The following CCDC3 variants were observed in gnomAD, a reference collection of about 807,000 sequenced individuals.
CCDC3 encodes the protein coiled-coil domain containing 3, also known as coiled-coil domain-containing protein 3.
Under a neutral mutation model 21.4 loss-of-function variants are expected in CCDC3, and 24 were observed. The observed-to-expected ratio is 1.12, with a 90% CI of 0.81 to 1.58. The LOEUF is 1.58. Ranked by LOEUF, CCDC3 falls within the 40% of genes most tolerant of loss-of-function variation. CCDC3 has a pLI of 0.00. For missense variants in CCDC3, 425 were observed against 360.9 expected (o/e 1.18, Z -1.44); for synonymous variants, 186 against 166.0 (o/e 1.12, Z -0.93).
chr10:12,997,552 G>A (rs1835781407), intron 2 of CCDC3, among the ~76,000 whole-genome samples: 1 of 152,080 alleles, frequency 6.6e-6, no homozygotes, highest in Admixed American at 6.5e-5. Context: ...AACCACCTTG[G>A]CCATCCTGCA....
At chr10:13,000,623 C>A (rs1835832471) in intron 1 of CCDC3, among the ~76,000 whole-genome samples, 1 of 152,174 alleles carries the variant, frequency 6.6e-6, no homozygotes, top group South Asian at 2.1e-4. Context: ...CCATTCACAT[C>A]TTGGCATTTG....
intron 5 of CCDC3, among the ~76,000 whole-genome samples, chr10:13,023,590 C>T (rs1276530179): frequency 6.6e-6 from 1 of 152,130 alleles, no homozygotes; most frequent in Non-Finnish European, 1.5e-5. Flanking sequence ...AGTCACGTGG[C>T]CAAGCTGAGA....
intron 4 of CCDC3, among the ~76,000 whole-genome samples, chr10:13,051,217 C>T (rs575568924): frequency 2.1e-4 from 31 of 151,182 alleles, no homozygotes; most frequent in Non-Finnish European, 3.0e-4. Flanking sequence ...TTATTTTGGT[C>T]ACAGCCTGCA....
intron 2 of CCDC3, among the ~76,000 whole-genome samples, chr10:12,970,868 C>T (rs1050589522): frequency 1.4e-5 from 2 of 145,410 alleles, no homozygotes; most frequent in Non-Finnish European, 3.0e-5. Context: ...CTAGCCTGGG[C>T]GACAGAGCAA....
At chr10:13,034,042 C>A (rs966764370) in intron 5 of CCDC3, among the ~76,000 whole-genome samples, 4 of 152,020 alleles carry the variant, frequency 2.6e-5, no homozygotes, top group Non-Finnish European at 5.9e-5. Context: ...CACATGCACA[C>A]GTATGTTTAT....
chr10:13,011,654 C>G (rs1321385601), intron 5 of CCDC3, among the ~76,000 whole-genome samples: 1 of 152,084 alleles, frequency 6.6e-6, no homozygotes, highest in Non-Finnish European at 1.5e-5. Context: ...TAGTGCTATT[C>G]CTATCAAACT....
chr10:12,998,264 T>C, intron 2 of CCDC3, 74 bp downstream of exon 2: 1 of 1,515,168 alleles, frequency 6.6e-7, no homozygotes, highest in Admixed American at 1.9e-5. Flanking sequence ...TCTTGATTCC[T>C]TTGGTCACAA....
At chr10:12,900,285 G>A (rs774106730) in intron 2 of CCDC3, among the ~76,000 whole-genome samples, 2 of 152,020 alleles carry the variant, frequency 1.3e-5, no homozygotes, top group African/African-American at 2.4e-5. Context: ...ATAAAAAGAG[G>A]TATTCTCCAA....
At chr10:12,948,604 T>C (rs1278299822) in intron 2 of CCDC3, among the ~76,000 whole-genome samples, 3 of 152,138 alleles carry the variant, frequency 2.0e-5, no homozygotes, top group Non-Finnish European at 2.9e-5. Context: ...TGAGAGTCAT[T>C]GTCAAATAGA....
intron 2 of CCDC3, among the ~76,000 whole-genome samples, chr10:12,937,130 C>A (rs893908228): frequency 6.6e-6 from 1 of 150,708 alleles, no homozygotes; most frequent in Non-Finnish European, 1.5e-5. Flanking sequence ...TACCCTCAGA[C>A]TCATTCACTC....
intron 2 of CCDC3, 60 bp from the exon 3 acceptor site, chr10:12,898,739 A>G (rs1834049478): frequency 7.0e-6 from 11 of 1,573,044 alleles, no homozygotes; most frequent in Non-Finnish European, 9.5e-6. Flanking sequence ...CGCTGCGGCC[A>G]GGGGAGTCCC....
chr10:12,997,598 G>T (rs984487555), intron 2 of CCDC3, among the ~76,000 whole-genome samples: 19 of 152,176 alleles, frequency 1.2e-4, no homozygotes, highest in African/African-American at 4.6e-4. Flanking sequence ...AAGAATCACA[G>T]AAGTGGTAGC....
At chr10:12,951,203 C>A (rs1358757621) in intron 2 of CCDC3, among the ~76,000 whole-genome samples, 2 of 152,004 alleles carry the variant, frequency 1.3e-5, no homozygotes, top group Non-Finnish European at 2.9e-5. Context: ...AGACTCTCAT[C>A]TCTACAAAAA....
At chr10:13,002,740 ATACTC>A (rs1447630481), upstream of CCDC3, among the ~76,000 whole-genome samples, 2 of 152,228 alleles carry the variant, frequency 1.3e-5, no homozygotes, top group Non-Finnish European at 2.9e-5. Flanking sequence ...CCATAATAAA[ATACTC>A]TAGTCTGGTG....
chr10:12,938,571 TACTC>T (rs1466293707), intron 2 of CCDC3, among the ~76,000 whole-genome samples: 16 of 152,218 alleles, frequency 1.1e-4, no homozygotes, highest in Admixed American at 8.5e-4. Context: ...ATAGACAAGT[TACTC>T]AATCATTCCA....
chr10:13,042,843 A>G (rs1836477696), intron 5 of CCDC3, among the ~76,000 whole-genome samples: 1 of 139,868 alleles, frequency 7.1e-6, no homozygotes, highest in South Asian at 2.4e-4. Flanking sequence ...TGGGAGGTGG[A>G]GCTTGCAGTG....
Position 13,001,188 on chromosome 10 carries a change from C to T in CCDC3, c.374+9G>A, listed in dbSNP as rs1278718407. The stretch of plus-strand genomic sequence containing the variant: ...GAGAGAGAGGTGGCGGCGGCGCCGC[C>T]GGGCTCACCTGAGGAAGAAGAAATA... On this transcript the variant is annotated intron_variant, in intron 1 of 2. Transcript: ENST00000378825. The T allele has an allele frequency of 6.5e-7, 1 of 1,545,846 alleles. No individual in the cohort carries two copies. The highest frequency in any genetic ancestry group is 8.7e-7 in the Non-Finnish European group (1 of 1,144,644).
intron 3 of CCDC3, among the ~76,000 whole-genome samples, chr10:13,083,431 T>C (rs924085766): frequency 2.6e-5 from 4 of 152,242 alleles, no homozygotes; most frequent in African/African-American, 9.6e-5. Flanking sequence ...TGTTAAAGAA[T>C]AAATCATAAG....
intron 4 of CCDC3, among the ~76,000 whole-genome samples, chr10:13,064,203 C>A (rs1016587327): frequency 4.6e-5 from 7 of 152,138 alleles, no homozygotes; most frequent in African/African-American, 1.7e-4. Context: ...GGATTACAGG[C>A]GTGAGCCACT....
Sources: gnomAD v4.1 joint callset for allele counts (sites outside exome capture counted in the v4.1 genomes callset) on GRCh38, gnomAD v4.1.1 for gene constraint, MANE v1.5 for transcripts, NCBI Gene and HGNC (gene_info 2026-07-23, HGNC 2026-07-21) for gene names.